The following AGAP1 variants were observed in gnomAD, a reference collection of about 807,000 sequenced individuals.
The protein encoded by AGAP1 is ArfGAP with GTPase domain, ankyrin repeat and PH domain 1.
A neutral mutation model predicts 105.3 loss-of-function variants in AGAP1; 29 were observed. The ratio of observed to expected loss-of-function variants is 0.28; its 90% CI spans 0.21 to 0.38. The LOEUF is 0.38. AGAP1 is among the 10% of genes least tolerant of loss of function. The probability of loss-of-function intolerance (pLI) is 1.00; values close to 1 mark genes in which losing one functional copy is unlikely to be tolerated. For synonymous variants in AGAP1, 509 were observed against 485.9 expected, an observed-to-expected ratio of 1.05 and a Z score of -0.63; for missense variants, 998 against 1,165.1, an observed-to-expected ratio of 0.86 and a Z score of 2.09.
At chr2:235,773,134 G>A (rs1955586863) in intron 6 of AGAP1, among the ~76,000 whole-genome samples, 1 of 152,328 alleles carries the variant, frequency 6.6e-6, no homozygotes, top group Non-Finnish European at 1.5e-5. Context: ...TCCACAGGGT[G>A]GGAGCAGCCG....
chr2:235,534,803 C>G (rs764363238), intron 1 of AGAP1, among the ~76,000 whole-genome samples: 70 of 152,138 alleles, frequency 4.6e-4, no homozygotes, highest in Non-Finnish European at 7.6e-4. Flanking sequence ...AACGGCAGCC[C>G]GTGCAGGCGT....
At chr2:235,844,777 G>A (rs531280974) in intron 9 of AGAP1, among the ~76,000 whole-genome samples, 20 of 152,230 alleles carry the variant, frequency 1.3e-4, no homozygotes, top group African/African-American at 4.8e-4. Context: ...GGTCCTGCTG[G>A]TCCAAGACAT....
Position 236,038,995 on chromosome 2 carries a change from C to T in AGAP1, c.1801-1756C>T, listed in dbSNP as rs1285128965. Among the ~76,000 whole-genome samples, 1 of 152,114 alleles carries T rather than the reference C, an allele frequency of 6.6e-6. No individual in the cohort carries two copies. The highest frequency in any genetic ancestry group is 2.4e-5 in the African/African-American group (1 of 41,412). On this transcript the variant is annotated intron_variant, in intron 14 of 17. Coordinates refer to ENST00000304032, the MANE Select transcript of AGAP1 (RefSeq NM_001037131.3). The surrounding 1 kb of genome is among the most constrained non-coding windows in gnomAD (Gnocchi z 4.5). ...TAATACATTATAATTTATTATGTAG[C>T]AAGTAATATATTATTTCACATCAAT...
At chr2:235,584,705 G>C (rs953710127) in intron 1 of AGAP1, among the ~76,000 whole-genome samples, 1 of 151,828 alleles carries the variant, frequency 6.6e-6, no homozygotes, top group African/African-American at 2.4e-5. Flanking sequence ...CATTTCTGCT[G>C]TTTGAGCCAC....
At chr2:235,593,884 A>G (rs944984334) in intron 1 of AGAP1, among the ~76,000 whole-genome samples, 5 of 152,124 alleles carry the variant, frequency 3.3e-5, no homozygotes, top group Admixed American at 6.6e-5. Flanking sequence ...TAGGAGGATC[A>G]CTTGAGCCCC....
At chr2:235,783,428 T>C (rs765245068) in intron 6 of AGAP1, 2 of 470,310 alleles carry the variant, frequency 4.3e-6, no homozygotes, top group Middle Eastern at 3.3e-4. Flanking sequence ...TTCTTTGTGG[T>C]AGGACATCAC....
Position 235,989,065 on chromosome 2 carries a change from C to T in AGAP1, c.1645+20442C>T, listed in dbSNP as rs2055445503. Among the ~76,000 whole-genome samples the T allele has an allele frequency of 6.6e-6, 1 of 152,196 alleles. No homozygotes were observed. The highest frequency in any genetic ancestry group is 6.5e-5 in the Admixed American group (1 of 15,282). On this transcript the variant is annotated intron_variant, in intron 13 of 17. Coordinates refer to ENST00000304032, the MANE Select transcript of AGAP1 (RefSeq NM_001037131.3). The surrounding 1 kb of genome is among the most constrained non-coding windows in gnomAD (Gnocchi z 4.4). ...TTCTGTTCTTCAGAGTTTGCATCCC[C>T]TGAGAATTCCTCTCCTGTGTCCTTC... is the stretch of plus-strand genomic sequence containing the variant.
At chr2:235,641,295 C>G (rs900551487) in intron 1 of AGAP1, among the ~76,000 whole-genome samples, 1 of 99,116 alleles carries the variant, frequency 1.0e-5, no homozygotes, top group Non-Finnish European at 2.1e-5. Flanking sequence ...TACTGCGATT[C>G]TTTCTTTCTC....
chr2:235,870,846 G>A (rs1430522476), intron 9 of AGAP1, among the ~76,000 whole-genome samples: 1 of 152,212 alleles, frequency 6.6e-6, no homozygotes, highest in African/African-American at 2.4e-5. Context: ...TTCTCAGCCT[G>A]CTTCCTGCTG....
In AGAP1 at chr2:235,901,766, C is replaced by CT. The variant is rs2051075909; in HGVS notation, c.1156-6971dup. Reference sequence around the variant, plus strand: ...CATAGGAACGTGCCTGTAATCCCAGCTACTCAGGAGGCTGAGGCAGTAGAA... The same window carrying CT: ...CATAGGAACGTGCCTGTAATCCCAGCTTACTCAGGAGGCTGAGGCAGTAGAA... On this transcript the variant is annotated intron_variant, in intron 10 of 17. Coordinates refer to ENST00000304032, the MANE Select transcript of AGAP1 (RefSeq NM_001037131.3). This position sits in a 1 kb window ranked among gnomAD's most constrained non-coding sequence, Gnocchi z 4.3. 6.6e-6 allele frequency among the ~76,000 whole-genome samples: 1 copy of CT among 152,006 alleles called. No individual in the cohort carries two copies. The highest frequency in any genetic ancestry group is 1.5e-5 in the Non-Finnish European group (1 of 68,018).
At position 235,549,622 on chromosome 2, in the gene AGAP1, C is replaced by T. The variant is rs990380038; in HGVS notation, c.163+54773C>T. Among the ~76,000 whole-genome samples the T allele has an allele frequency of 8.5e-5, 13 of 152,190 alleles. 1 individual carries two copies. The highest frequency in any genetic ancestry group is 8.5e-4 in the Admixed American group (13 of 15,278). ...TTGGATTACTTTTGTTTCTTTAAAA[C>T]TCCTTGGCACCATCTAATTTTTTAA... is the stretch of plus-strand genomic sequence containing the variant. On this transcript the variant is annotated intron_variant, in intron 1 of 17. Coordinates refer to ENST00000304032, the MANE Select transcript of AGAP1 (RefSeq NM_001037131.3). The surrounding 1 kb of genome is among the most constrained non-coding windows in gnomAD (Gnocchi z 4.2).
intron 3 of AGAP1, among the ~76,000 whole-genome samples, chr2:235,735,516 C>G (rs1337761592): frequency 6.6e-6 from 1 of 152,264 alleles, no homozygotes; most frequent in East Asian, 1.9e-4. Context: ...CTGGCTCTCA[C>G]ATTGTGAGAC....
chr2:235,850,937 T>C (rs2048416104), intron 9 of AGAP1, among the ~76,000 whole-genome samples: 1 of 152,174 alleles, frequency 6.6e-6, no homozygotes, highest in South Asian at 2.1e-4. Flanking sequence ...CCAAGGGGTT[T>C]AGCAAGGGAA....
chr2:235,508,268 T>C (rs913130657), intron 1 of AGAP1, among the ~76,000 whole-genome samples: 2 of 152,200 alleles, frequency 1.3e-5, no homozygotes, highest in Non-Finnish European at 2.9e-5. Context: ...TGTCTTTATA[T>C]AGACACAATA....
Position 235,882,525 on chromosome 2 carries a change from G to T in AGAP1, c.1051-820G>T. The T allele has an allele frequency of 7.9e-7, 1 of 1,260,966 alleles. No homozygotes were observed. The highest frequency in any genetic ancestry group is 1.1e-6 in the Non-Finnish European group (1 of 884,398). 78.1% of individuals were successfully genotyped at this position (1,260,966 alleles called of 1,614,324 possible). On this transcript the variant is annotated intron_variant, in intron 9 of 17. Transcript: ENST00000304032. The surrounding 1 kb of genome is among the most constrained non-coding windows in gnomAD (Gnocchi z 4.6). The stretch of plus-strand genomic sequence containing the variant: ...AAAACAATCGGTACCATCCGTGGCG[G>T]GCTCTTAGCTCACTGCAACACTCTG...
chr2:235,767,347 G>A (rs1256372272), intron 6 of AGAP1, among the ~76,000 whole-genome samples: 1 of 152,198 alleles, frequency 6.6e-6, no homozygotes, highest in Non-Finnish European at 1.5e-5. Flanking sequence ...GCCTTGAATC[G>A]GGAGGCAGGT....
chr2:235,580,225 C>CTTGA (rs1452544382), intron 1 of AGAP1, among the ~76,000 whole-genome samples: 2 of 152,068 alleles, frequency 1.3e-5, no homozygotes, highest in Non-Finnish European at 2.9e-5. Flanking sequence ...CAGGGATTTG[C>CTTGA]TTGAGTTGCC....
chr2:235,940,310 C>G (rs995459737), intron 12 of AGAP1, among the ~76,000 whole-genome samples: 1 of 152,134 alleles, frequency 6.6e-6, no homozygotes, highest in Admixed American at 6.5e-5. Flanking sequence ...AGTCCTCTCT[C>G]TCTGCAGCCA....
At chr2:236,069,257 C>T (rs548434240) in intron 16 of AGAP1, among the ~76,000 whole-genome samples, 1 of 151,960 alleles carries the variant, frequency 6.6e-6, no homozygotes, top group East Asian at 1.9e-4. Flanking sequence ...GTCGTGTACA[C>T]GTGACAATGC....
Sources: allele counts gnomAD v4.1 joint callset (sites outside exome capture counted in the v4.1 genomes callset), GRCh38; gene constraint gnomAD v4.1.1; non-coding constraint Gnocchi (gnomAD v3.1); transcripts MANE v1.5; gene names NCBI Gene and HGNC (gene_info 2026-07-23, HGNC 2026-07-21).